The following PATJ variants were observed in gnomAD, a reference collection of about 807,000 sequenced individuals.
PATJ encodes the protein PATJ crumbs cell polarity complex component.
PATJ carries 190 observed loss-of-function variants against 224.9 expected under a neutral mutation model. That is an observed-to-expected ratio of 0.84 (90% CI 0.75 to 0.95). PATJ has a LOEUF of 0.95. Among genes scored for constraint, PATJ ranks in the 40% least tolerant of loss-of-function variants. PATJ has a pLI of 0.00. For synonymous variants in PATJ, 769 were observed against 820.3 expected (o/e 0.94, Z 1.07); for missense variants, 2,121 against 2,270.3 (o/e 0.93, Z 1.34).
chr1:62,073,456 A>G (rs1657775597), intron 31 of PATJ: 1 of 318,090 alleles, frequency 3.1e-6, no homozygotes, highest in African/African-American at 2.3e-5. Flanking sequence ...GTCTGCTAAA[A>G]ATACAAAAAT....
At chr1:61,942,294 C>T (rs899882266) in intron 27 of PATJ, among the ~76,000 whole-genome samples, 8 of 152,044 alleles carry the variant, frequency 5.3e-5, no homozygotes, top group Non-Finnish European at 1.0e-4. Flanking sequence ...TTTCTTTTTA[C>T]AGCTCATAAT....
intron 17 of PATJ, among the ~76,000 whole-genome samples, chr1:61,851,828 G>A (rs1461285664): frequency 6.6e-5 from 10 of 152,090 alleles, no homozygotes; most frequent in African/African-American, 2.4e-4. Flanking sequence ...AGAGATAAAA[G>A]GCTGAGATAA....
chr1:62,046,295 A>G (rs551165640), intron 30 of PATJ, among the ~76,000 whole-genome samples: 2 of 152,160 alleles, frequency 1.3e-5, no homozygotes, highest in Non-Finnish European at 2.9e-5. Flanking sequence ...ACCTCATTTT[A>G]GCATAAACAT....
intron 41 of PATJ, among the ~76,000 whole-genome samples, chr1:62,137,518 C>G (rs866043156): frequency 0.014 from 20 of 1,438 alleles, no homozygotes; most frequent in Admixed American, 0.037. Flanking sequence ...AGTGAGGGGG[C>G]ACAGCAGTCT....
chr1:61,783,672 A>T (rs1290849180), intron 7 of PATJ, among the ~76,000 whole-genome samples: 1 of 150,802 alleles, frequency 6.6e-6, no homozygotes, highest in East Asian at 1.9e-4. Flanking sequence ...TTTTTAAATT[A>T]TCATCCACAA....
chr1:61,764,048 C>T (rs566920539), intron 3 of PATJ, among the ~76,000 whole-genome samples: 85 of 150,270 alleles, frequency 5.7e-4, no homozygotes, highest in Middle Eastern at 3.4e-3. Context: ...TTAGTAGAGA[C>T]GGGGTTTCAC....
At chr1:62,069,267 G>A (rs746803200) in intron 31 of PATJ, among the ~76,000 whole-genome samples, 1 of 152,126 alleles carries the variant, frequency 6.6e-6, no homozygotes, top group Non-Finnish European at 1.5e-5. Flanking sequence ...AGCAAGATGT[G>A]TCTGAGTTAA....
chr1:61,809,684 G>C (rs1048746549), intron 14 of PATJ, among the ~76,000 whole-genome samples: 2 of 151,914 alleles, frequency 1.3e-5, no homozygotes, highest in Non-Finnish European at 2.9e-5. Context: ...ACAGCGCCAG[G>C]CTAAAAATGT....
intron 5 of PATJ, among the ~76,000 whole-genome samples, chr1:61,770,929 C>T (rs1646566665): frequency 6.8e-6 from 1 of 148,134 alleles, no homozygotes; most frequent in South Asian, 2.1e-4. Context: ...AAAAAAAAAG[C>T]TCAGATATAA....
At chr1:61,983,771 G>A (rs12090332) in intron 27 of PATJ, among the ~76,000 whole-genome samples, 25,067 of 151,972 alleles carry the variant, frequency 0.16, 2,360 homozygotes, top group Non-Finnish European at 0.21. Context: ...CTAGGGGAGG[G>A]AAGTCGAAGG....
At chr1:61,964,372 G>A (rs1681766796) in intron 27 of PATJ, among the ~76,000 whole-genome samples, 1 of 152,084 alleles carries the variant, frequency 6.6e-6, no homozygotes, top group Non-Finnish European at 1.5e-5. Context: ...GTGAACCACT[G>A]CACCTGGCCT....
rs1483664164 is a variant in PATJ, at chr1:62,086,799, G to T, written c.4377+2151G>T. On this transcript the variant is annotated intron_variant, in intron 33 of 43. Transcript: ENST00000642238. This position sits in a 1 kb window ranked among gnomAD's most constrained non-coding sequence, Gnocchi z 4.0. ...CTGTTTACTTGGAGCGCCTCGCTCA[G>T]CCTGTTGTAGGATGGAGTTCATGAG... 6.6e-6 allele frequency among the ~76,000 whole-genome samples: 1 copy of T among 152,186 alleles called. No homozygotes were observed. Among genetic ancestry groups the T allele is most frequent in the Non-Finnish European group, 1.5e-5 (1 of 68,030 alleles).
At chr1:62,124,683 G>A (rs12049510) in intron 39 of PATJ, among the ~76,000 whole-genome samples, 1 of 151,940 alleles carries the variant, frequency 6.6e-6, no homozygotes, top group Non-Finnish European at 1.5e-5. Flanking sequence ...TTTTCCTGAG[G>A]CCCCCCTCCT....
At chr1:61,948,425 A>G (rs1679095821) in intron 27 of PATJ, among the ~76,000 whole-genome samples, 1 of 152,262 alleles carries the variant, frequency 6.6e-6, no homozygotes, top group Non-Finnish European at 1.5e-5. Flanking sequence ...ACACTTCTCA[A>G]AAGAAGACAT....
chr1:61,943,532 G>C (rs960726285), intron 27 of PATJ, among the ~76,000 whole-genome samples: 1 of 152,174 alleles, frequency 6.6e-6, no homozygotes, highest in Non-Finnish European at 1.5e-5. Flanking sequence ...CAGTGAGGCT[G>C]GGGGAGGGGT....
intron 31 of PATJ, among the ~76,000 whole-genome samples, chr1:62,052,657 G>A (rs12750860): frequency 0.22 from 33,854 of 151,544 alleles, 4,857 homozygotes; most frequent in African/African-American, 0.41. Flanking sequence ...CAGGAGAATC[G>A]CTTGAACCCA....
intron 31 of PATJ, chr1:62,054,191 TA>T (rs1006905062): frequency 0.049 from 8,380 of 170,968 alleles, 4 homozygotes; most frequent in South Asian, 0.13. Flanking sequence ...CATTTTTATT[TA>T]AAAAAAAAAA....
intron 31 of PATJ, among the ~76,000 whole-genome samples, chr1:62,052,404 G>T (rs2498981): frequency 0.59 from 88,080 of 148,980 alleles, 26,634 homozygotes; most frequent in African/African-American, 0.72. Flanking sequence ...CCCCTGGCAT[G>T]AAGAGTACTA....
At chr1:62,127,436 A>G (rs1239867504) in intron 39 of PATJ, among the ~76,000 whole-genome samples, 1 of 147,444 alleles carries the variant, frequency 6.8e-6, no homozygotes, top group Non-Finnish European at 1.5e-5. Context: ...TTTTTTTGAC[A>G]CAAATGACTC....
Sources: gnomAD v4.1 joint callset for allele counts (sites outside exome capture counted in the v4.1 genomes callset) on GRCh38, gnomAD v4.1.1 for gene constraint, Gnocchi (gnomAD v3.1) non-coding constraint, MANE v1.5 for transcripts, NCBI Gene and HGNC (gene_info 2026-07-23, HGNC 2026-07-21) for gene names.